The following GSG1L variants were observed in gnomAD, a reference collection of about 807,000 sequenced individuals.
The protein encoded by GSG1L is GSG1 like.
In GSG1L, 24 loss-of-function variants were observed where a neutral mutation model predicts 42.1. The observed-to-expected ratio is 0.57, with a 90% CI of 0.41 to 0.80. GSG1L has a LOEUF of 0.80. Among genes scored for constraint, GSG1L ranks in the 30% least tolerant of loss-of-function variants. GSG1L has a pLI of 0.00. For synonymous variants in GSG1L, 215 were observed against 203.5 expected, an observed-to-expected ratio of 1.06 and a Z score of -0.48; for missense variants, 445 against 472.2, an observed-to-expected ratio of 0.94 and a Z score of 0.53.
chr16:27,921,368 G>C (rs151252742), intron 2 of GSG1L, among the ~76,000 whole-genome samples: 1 of 152,172 alleles, frequency 6.6e-6, no homozygotes, highest in African/African-American at 2.4e-5. Context: ...CACGGCCAGT[G>C]TCTGTTCTGA....
At chr16:27,815,537 A>T (rs192255951) in intron 5 of GSG1L, among the ~76,000 whole-genome samples, 142 of 152,310 alleles carry the variant, frequency 9.3e-4, no homozygotes, top group Non-Finnish European at 1.5e-3. Flanking sequence ...ATAAATCTAA[A>T]TAAGGTCCTT....
chr16:27,796,559 G>A (rs765592718), intron 6 of GSG1L, among the ~76,000 whole-genome samples: 17 of 152,206 alleles, frequency 1.1e-4, no homozygotes, highest in Non-Finnish European at 2.4e-4. Flanking sequence ...CAGGCACAGC[G>A]TTGAAAGCAC....
chr16:27,867,384 G>A (rs981548544), intron 3 of GSG1L, among the ~76,000 whole-genome samples: 9 of 152,196 alleles, frequency 5.9e-5, no homozygotes, highest in African/African-American at 2.2e-4. Context: ...CCTGAGTAAA[G>A]GACCTGGCAC....
chr16:27,930,279 C>T (rs996279246), intron 2 of GSG1L, among the ~76,000 whole-genome samples: 1 of 152,218 alleles, frequency 6.6e-6, no homozygotes, highest in Non-Finnish European at 1.5e-5. Context: ...TGATGCCTCA[C>T]TGGCCCCACA....
chr16:27,826,571 C>T (rs1039405981), intron 5 of GSG1L, among the ~76,000 whole-genome samples: 10 of 152,054 alleles, frequency 6.6e-5, no homozygotes, highest in African/African-American at 1.7e-4. Flanking sequence ...AAGGGAAGTG[C>T]GACAGGGAAG....
intron 1 of GSG1L, among the ~76,000 whole-genome samples, chr16:28,005,918 G>C (rs768997127): frequency 2.0e-5 from 3 of 152,230 alleles, no homozygotes; most frequent in Non-Finnish European, 4.4e-5. Flanking sequence ...AAGGGACTTT[G>C]CAGGTGTAAT....
At position 27,938,951 on chromosome 16, in the gene GSG1L, G is replaced by A. The variant is rs532615425; in HGVS notation, c.397+24205C>T. On this transcript the variant is annotated intron_variant, in intron 2 of 6. Coordinates refer to ENST00000447459, the MANE Select transcript of GSG1L (RefSeq NM_001109763.2). The stretch of plus-strand genomic sequence containing the variant: ...CTCCCAACATGAACAAACATGGACT[G>A]TGGCATTGGGACCCTCCGTGAGGAT... Among the ~76,000 whole-genome samples, 74 of 152,264 alleles carry A rather than the reference G, an allele frequency of 4.9e-4. 2 individuals are homozygous for A. The South Asian group carries it at 9.3e-3, about 19-fold the overall frequency.
At chr16:27,860,330 T>G (rs763866555) in intron 3 of GSG1L, among the ~76,000 whole-genome samples, 20 of 152,050 alleles carry the variant, frequency 1.3e-4, no homozygotes, top group Non-Finnish European at 1.9e-4. Flanking sequence ...CAGGAAGAGG[T>G]GCAGGAGCCG....
At chr16:27,801,429 T>C (rs991737779) in intron 6 of GSG1L, among the ~76,000 whole-genome samples, 3 of 152,212 alleles carry the variant, frequency 2.0e-5, no homozygotes, top group African/African-American at 4.8e-5. Context: ...TGTTTAATAA[T>C]GCCGGCTCCC....
chr16:28,023,756 G>A (rs1020023908), intron 1 of GSG1L, among the ~76,000 whole-genome samples: 10 of 152,216 alleles, frequency 6.6e-5, no homozygotes, highest in African/African-American at 2.4e-4. Flanking sequence ...GTGGCATGGT[G>A]ATTCACATCT....
intron 2 of GSG1L, among the ~76,000 whole-genome samples, chr16:27,907,042 T>C (rs1272625522): frequency 3.3e-5 from 5 of 152,228 alleles, no homozygotes; most frequent in African/African-American, 9.6e-5. Context: ...GCTACAGGGC[T>C]AGTATCCTCA....
At chr16:27,998,807 TA>T (rs76319329) in intron 1 of GSG1L, among the ~76,000 whole-genome samples, 54 of 143,486 alleles carry the variant, frequency 3.8e-4, no homozygotes, top group African/African-American at 6.6e-4. Context: ...AATAAATAAT[TA>T]AAAAAAAAAA....
chr16:27,885,114 C>G (rs1430919258), intron 2 of GSG1L, among the ~76,000 whole-genome samples: 1 of 152,080 alleles, frequency 6.6e-6, no homozygotes, highest in Non-Finnish European at 1.5e-5. Context: ...TTACCTCCAA[C>G]TATACATTTT....
intron 1 of GSG1L, among the ~76,000 whole-genome samples, chr16:27,975,193 C>A (rs1489377830): frequency 6.6e-6 from 1 of 152,162 alleles, no homozygotes; most frequent in Non-Finnish European, 1.5e-5. Flanking sequence ...AAAACCGCAA[C>A]AGGGAGAGAA....
intron 4 of GSG1L, among the ~76,000 whole-genome samples, chr16:27,844,332 G>A (rs1469353051): frequency 6.6e-6 from 1 of 152,094 alleles, no homozygotes; most frequent in Non-Finnish European, 1.5e-5. Context: ...TTGAGGTGCT[G>A]ACCTGTTTCC....
At chr16:27,947,304 C>A (rs542620316) in intron 2 of GSG1L, among the ~76,000 whole-genome samples, 127 of 150,720 alleles carry the variant, frequency 8.4e-4, no homozygotes, top group Admixed American at 1.4e-3. Context: ...TGTTTCTTAA[C>A]CTCTCTGAGC....
chr16:27,898,429 C>T (rs1459601301), intron 2 of GSG1L, among the ~76,000 whole-genome samples: 2 of 139,600 alleles, frequency 1.4e-5, no homozygotes, highest in African/African-American at 5.3e-5. Flanking sequence ...TAAAAGGGGG[C>T]TGCTGTGAAG....
chr16:27,904,538 G>A (rs1394248322), intron 2 of GSG1L, among the ~76,000 whole-genome samples: 1 of 151,778 alleles, frequency 6.6e-6, no homozygotes, highest in African/African-American at 2.4e-5. Context: ...AATGTAAATC[G>A]AATCTCCCCT....
intron 2 of GSG1L, among the ~76,000 whole-genome samples, chr16:27,950,127 C>T (rs1356187504): frequency 6.6e-6 from 1 of 152,168 alleles, no homozygotes; most frequent in Non-Finnish European, 1.5e-5. Flanking sequence ...CATCATAGAT[C>T]AGTACAAATT....
Sources: allele counts gnomAD v4.1 joint callset (sites outside exome capture counted in the v4.1 genomes callset), GRCh38; gene constraint gnomAD v4.1.1; transcripts MANE v1.5; gene names NCBI Gene and HGNC (gene_info 2026-07-23, HGNC 2026-07-21).